DGKI: variants seen among roughly 807,000 people sequenced by gnomAD.
The protein encoded by DGKI is diacylglycerol kinase iota.
DGKI carries 55 observed loss-of-function variants against 147.5 expected under a neutral mutation model. The observed-to-expected ratio is 0.37, with a 90% CI of 0.30 to 0.47. The LOEUF (loss-of-function observed/expected upper bound fraction) is 0.47. DGKI is among the 20% of genes least tolerant of loss of function. DGKI has a pLI of 1.00. For synonymous variants in DGKI, 469 were observed against 477.1 expected (o/e 0.98, Z 0.22); for missense variants, 1,007 against 1,323.8 (o/e 0.76, Z 3.71).
chr7:137,445,290 A>G (rs1365550939), intron 27 of DGKI, among the ~76,000 whole-genome samples: 1 of 152,246 alleles, frequency 6.6e-6, no homozygotes, highest in Non-Finnish European at 1.5e-5. Context: ...TTGAACCTCA[A>G]TGAGTGGCAA....
chr7:137,739,948 A>T (rs2116702214), intron 1 of DGKI, among the ~76,000 whole-genome samples: 1 of 152,314 alleles, frequency 6.6e-6, no homozygotes, highest in Admixed American at 6.5e-5. Context: ...GGTGTTGCCC[A>T]GTGATTCCGC....
At chr7:137,465,862 A>T (rs1292253831) in intron 26 of DGKI, 46 bp downstream of exon 26, 1 of 1,590,066 alleles carries the variant, frequency 6.3e-7, no homozygotes, top group East Asian at 2.2e-5. Flanking sequence ...CCAGACATGG[A>T]TGTCACCCTA....
chr7:137,433,410 A>C (rs1358465982), intron 28 of DGKI, among the ~76,000 whole-genome samples: 1 of 152,196 alleles, frequency 6.6e-6, no homozygotes, highest in African/African-American at 2.4e-5. Context: ...TTGCAAGAGG[A>C]GGCCACCAAA....
intron 20 of DGKI, among the ~76,000 whole-genome samples, chr7:137,552,091 T>C (rs969014725): frequency 6.6e-6 from 1 of 152,224 alleles, no homozygotes; most frequent in Non-Finnish European, 1.5e-5. Flanking sequence ...TCTCAATGAT[T>C]TTCTGCTAGT....
At chr7:137,576,704 A>C (rs1222986444) in intron 17 of DGKI, among the ~76,000 whole-genome samples, 2 of 152,230 alleles carry the variant, frequency 1.3e-5, no homozygotes, top group Non-Finnish European at 2.9e-5. Context: ...AACCTTGACC[A>C]GGTGGGAGAG....
At chr7:137,477,263 A>G (rs1815201422) in intron 23 of DGKI, among the ~76,000 whole-genome samples, 1 of 152,268 alleles carries the variant, frequency 6.6e-6, no homozygotes, top group Non-Finnish European at 1.5e-5. Context: ...AACCGAGACT[A>G]CAACCATGTG....
chr7:137,722,247 G>C, intron 1 of DGKI: 1 of 1,604,046 alleles, frequency 6.2e-7, no homozygotes. Context: ...AGAAGGAGAA[G>C]GTTCTTGCAA....
intron 1 of DGKI, among the ~76,000 whole-genome samples, chr7:137,801,990 C>A (rs2116964974): frequency 6.6e-6 from 1 of 152,184 alleles, no homozygotes; most frequent in Middle Eastern, 3.4e-3. Context: ...ATAAAATGGG[C>A]CTAAATGCCC....
At chr7:137,706,917 G>A (rs1303348284) in intron 1 of DGKI, among the ~76,000 whole-genome samples, 1 of 152,094 alleles carries the variant, frequency 6.6e-6, no homozygotes, top group Non-Finnish European at 1.5e-5. Flanking sequence ...ACCAGTCCTA[G>A]GTTATTGACC....
intron 14 of DGKI, among the ~76,000 whole-genome samples, chr7:137,584,945 T>C (rs1015023404): frequency 6.6e-6 from 1 of 152,210 alleles, no homozygotes; most frequent in African/African-American, 2.4e-5. Context: ...ACAAAATACA[T>C]GCCTTTCTAG....
rs781580130 is a variant in DGKI at position 137,846,161 on chromosome 7, T to TCTCTCTCTCTCTCTCTCTCTCA, written c.401+300_401+301insTGAGAGAGAGAGAGAGAGAGAG. On this transcript the variant is annotated intron_variant, in intron 1 of 32. Coordinates refer to ENST00000614521, the MANE Select transcript of DGKI (RefSeq NM_001321708.2). This position sits in a 1 kb window ranked among gnomAD's most constrained non-coding sequence, Gnocchi z 4.0. ...CTCTCTCTCTCTCTCTCTCTCTCTC[T>TCTCTCTCTCTCTCTCTCTCTCA]CACACACACACACACACACACACAC... Among the ~76,000 whole-genome samples, 7 of 108,216 alleles carry TCTCTCTCTCTCTCTCTCTCTCA rather than the reference T, an allele frequency of 6.5e-5. No individual in the cohort carries two copies. Among genetic ancestry groups the TCTCTCTCTCTCTCTCTCTCTCA allele is most frequent in the East Asian group, 2.8e-4 (1 of 3,570 alleles). The allele number at this position is 108,216 out of a possible 152,430, so 71.0% of individuals were successfully genotyped here.
intron 1 of DGKI, among the ~76,000 whole-genome samples, chr7:137,711,292 G>C (rs1261673329): frequency 6.6e-6 from 1 of 152,122 alleles, no homozygotes; most frequent in Non-Finnish European, 1.5e-5. Flanking sequence ...CAAGATGATA[G>C]TTAAAATATC....
intron 1 of DGKI, among the ~76,000 whole-genome samples, chr7:137,705,214 T>C (rs2116531963): frequency 6.6e-6 from 1 of 152,138 alleles, no homozygotes; most frequent in African/African-American, 2.4e-5. Context: ...CACTTAAACA[T>C]AAATATGCAA....
At chr7:137,752,630 G>T (rs573312450) in intron 1 of DGKI, among the ~76,000 whole-genome samples, 1 of 152,248 alleles carries the variant, frequency 6.6e-6, no homozygotes, top group South Asian at 2.1e-4. Context: ...GAAAATCCCT[G>T]TCCTGTTCTG....
At chr7:137,741,382 G>T (rs937869340) in intron 1 of DGKI, among the ~76,000 whole-genome samples, 11 of 152,220 alleles carry the variant, frequency 7.2e-5, no homozygotes, top group Non-Finnish European at 1.2e-4. Flanking sequence ...CAAGTGAAGT[G>T]CTGAGGTTTG....
chr7:137,548,633 C>T lies in DGKI; in HGVS notation c.2147+3736G>A, dbSNP rs200915502. On this transcript the variant is annotated intron_variant, in intron 20 of 32. Coordinates refer to ENST00000614521, the MANE Select transcript of DGKI (RefSeq NM_001321708.2). ...GATGCTGGTCCTATGCTTGTACAGG[C>T]TACAGAACTGTGAGCCAAATAAAAC... Among the ~76,000 whole-genome samples the T allele has an allele frequency of 4.6e-5, 7 of 152,298 alleles. No individual in the cohort carries two copies. In the East Asian group the frequency reaches 1.3e-3, roughly 29 times the overall value.
chr7:137,446,683 G>A (rs1030430105), intron 27 of DGKI, among the ~76,000 whole-genome samples: 22 of 151,986 alleles, frequency 1.4e-4, no homozygotes, highest in Admixed American at 5.2e-4. Flanking sequence ...CCGAGACCGC[G>A]CCATTGCACT....
chr7:137,621,137 A>T (rs1820733635), intron 7 of DGKI, among the ~76,000 whole-genome samples: 1 of 152,212 alleles, frequency 6.6e-6, no homozygotes, highest in African/African-American at 2.4e-5. Context: ...GCTAATCATT[A>T]ATCAAGCAAT....
chr7:137,582,608 A>C (rs1819243535), intron 14 of DGKI, among the ~76,000 whole-genome samples: 1 of 152,122 alleles, frequency 6.6e-6, no homozygotes, highest in South Asian at 2.1e-4. Context: ...TATCTTTATT[A>C]TGACCATGAA....
Sources: allele counts gnomAD v4.1 joint callset (sites outside exome capture counted in the v4.1 genomes callset), GRCh38; gene constraint gnomAD v4.1.1; non-coding constraint Gnocchi (gnomAD v3.1); transcripts MANE v1.5; gene names NCBI Gene and HGNC (gene_info 2026-07-23, HGNC 2026-07-21).